Variants in PDZK1 observed in about 807,000 individuals in gnomAD.
The protein encoded by PDZK1 is PDZ domain containing 1.
In PDZK1, 23 loss-of-function variants were observed where a neutral mutation model predicts 38.1. The observed-to-expected ratio is 0.60, with a 90% CI of 0.43 to 0.85. The LOEUF (loss-of-function observed/expected upper bound fraction) is 0.85, where lower values mean the gene tolerates loss of function less well. PDZK1 is among the 40% of genes least tolerant of loss of function. The probability of loss-of-function intolerance (pLI) is 0.00; values close to 1 mark genes in which losing one functional copy is unlikely to be tolerated. For missense variants in PDZK1, 297 were observed against 504.3 expected, an observed-to-expected ratio of 0.59 and a Z score of 3.94; for synonymous variants, 98 against 186.2, an observed-to-expected ratio of 0.53 and a Z score of 3.86.
intron 7 of PDZK1, among the ~76,000 whole-genome samples, chr1:145,673,270 G>T (rs1653275909): frequency 6.6e-6 from 1 of 152,142 alleles, no homozygotes; most frequent in Admixed American, 6.6e-5. Context: ...GATGAAGGGG[G>T]ATAAATAGGT....
chr1:145,687,651 G>T (rs1176570443), intron 2 of PDZK1, among the ~76,000 whole-genome samples, 161 bp downstream of exon 2: 3 of 152,084 alleles, frequency 2.0e-5, no homozygotes, highest in Admixed American at 6.5e-5. Context: ...CCTCATAGGG[G>T]ACTTGATTGG....
intron 2 of PDZK1, 63 bp downstream of exon 2, chr1:145,687,749 T>A: frequency 7.2e-7 from 1 of 1,392,512 alleles, no homozygotes; most frequent in Non-Finnish European, 1.0e-6. Context: ...AAAATTATAA[T>A]CAGCAGAGAA....
At chr1:145,677,457 C>T (rs1291211624) in intron 6 of PDZK1, among the ~76,000 whole-genome samples, 1 of 149,148 alleles carries the variant, frequency 6.7e-6, no homozygotes, top group Non-Finnish European at 1.5e-5. Context: ...TTAGAGACTT[C>T]TATTCAAGTT....
chr1:145,683,845 CTT>C (rs781826650), intron 3 of PDZK1, among the ~76,000 whole-genome samples: 83 of 137,922 alleles, frequency 6.0e-4, no homozygotes, highest in African/African-American at 1.4e-3. Flanking sequence ...ACTTTACAGC[CTT>C]TTTTTTTTTT....
rs1652986193 is a variant in PDZK1, at chr1:145,671,163, G to A, written c.*273C>T. 2 of 1,078,042 alleles carry A rather than the reference G, an allele frequency of 1.9e-6. No individual in the cohort carries two copies. The highest frequency in any genetic ancestry group is 7.0e-5 in the Admixed American group (2 of 28,430). 66.8% of individuals were successfully genotyped at this position (1,078,042 alleles called of 1,614,324 possible). A position where few individuals can be genotyped will look rare whatever the true frequency, so the allele number is the denominator to read the frequency against. ...AGACATCATCATACAGAGAAATGTA[G>A]TTAAGTTAAGTTGAAGCTTGGAAAA... On this transcript the variant is annotated 3_prime_UTR_variant, in exon 9 of 9. Transcript: ENST00000417171.
chr1:145,679,213 G>A (rs1553699845), intron 5 of PDZK1, among the ~76,000 whole-genome samples: 2 of 148,970 alleles, frequency 1.3e-5, no homozygotes, highest in African/African-American at 5.0e-5. Flanking sequence ...TTTCCAGCTA[G>A]CTGCTGGGTA....
At chr1:145,690,449 T>C (rs1404084883) in intron 1 of PDZK1, among the ~76,000 whole-genome samples, 1 of 152,222 alleles carries the variant, frequency 6.6e-6, no homozygotes, top group Non-Finnish European at 1.5e-5. Context: ...TAATGATATT[T>C]GCTGTGAAGA....
intron 1 of PDZK1, among the ~76,000 whole-genome samples, chr1:145,703,179 C>G (rs587760378): frequency 6.6e-6 from 1 of 152,166 alleles, no homozygotes; most frequent in Non-Finnish European, 1.5e-5. Flanking sequence ...ATCATTTCAT[C>G]TTCTGAATTT....
At chr1:145,681,342 G>A (rs1243239505) in intron 4 of PDZK1, among the ~76,000 whole-genome samples, 3 of 147,060 alleles carry the variant, frequency 2.0e-5, no homozygotes, top group Non-Finnish European at 4.5e-5. Flanking sequence ...GAGTGCAGTG[G>A]CACTATCTCA....
chr1:145,682,510 A>G lies in PDZK1; in HGVS notation c.587T>C (p.Val196Ala), dbSNP rs587607271. The change falls in exon 4 of 9, where the codon GTG (valine) becomes GCG (alanine). Residue 196 changes from valine (V) to alanine (A), a missense_variant. By Grantham distance (64) the Val-to-Ala change is moderately conservative (BLOSUM62 0). Coordinates refer to ENST00000417171, the MANE Select transcript of PDZK1 (RefSeq NM_001201325.2). ...CCCTTTGGGGCATACCTTTTCAACCACTTCCTCATGGCTGGCATCCTCTAC... is the reference window on the plus strand; with the variant it reads ...CCCTTTGGGGCATACCTTTTCAACCGCTTCCTCATGGCTGGCATCCTCTAC... ...ENVEDASHEE[V>A]VEKVKKSGSR... The G allele has an allele frequency of 9.2e-5, 147 of 1,597,626 alleles. 1 individual carries two copies. The East Asian group carries it at 1.5e-3, about 17-fold the overall frequency.
At chr1:145,694,660 A>T (rs1200930824) in intron 1 of PDZK1, among the ~76,000 whole-genome samples, 1 of 152,038 alleles carries the variant, frequency 6.6e-6, no homozygotes, top group Non-Finnish European at 1.5e-5. Context: ...GCACTTTGGG[A>T]GGCCGAGGAG....
At chr1:145,686,352 A>G (rs1300166584) in intron 3 of PDZK1, 125 bp downstream of exon 3, 1 of 1,157,504 alleles carries the variant, frequency 8.6e-7, no homozygotes. Flanking sequence ...AGCTGTTGCA[A>G]GCTATCTATA....
At position 145,686,622 on chromosome 1, in the gene PDZK1, C is replaced by T. The variant is rs1416295151; in HGVS notation, c.315G>A (p.Leu105=). Residue 105 remains leucine, a synonymous_variant, in exon 3 of 9, where the codon TTG becomes TTA. Transcript: ENST00000417171. ...AACCTTGCTCCTTCTGACTTTGACC[C>T]AACTCTTTCAAGTCCACCCGTGTTT... ...AVKTRVDLKE[L]GQSQKEQGLS... is the part of the protein sequence containing the mutation. 6.2e-7 allele frequency: 1 copy of T among 1,603,400 alleles called. No individual in the cohort carries two copies. Among genetic ancestry groups the T allele is most frequent in the Non-Finnish European group, 8.5e-7 (1 of 1,174,272 alleles).
Position 145,686,481 on chromosome 1 carries a change from G to A in PDZK1, c.456C>T (p.Val152=), listed in dbSNP as rs1553701730. The change falls in exon 3 of 9, where the codon GTC becomes GTT. Residue 152 remains valine (V), a synonymous_variant. Transcript: ENST00000417171. ...TGCTCCCCAAAAAATTCTCACCTTGGACAGTTTTCAGAGAGAAGCCATAGC... is the reference window on the plus strand; with the variant it reads ...TGCTCCCCAAAAAATTCTCACCTTGAACAGTTTTCAGAGAGAAGCCATAGC... ...GGSYGFSLKT[V]QGKKGVYMTD... is the part of the protein sequence containing the mutation. 6.2e-7 allele frequency: 1 copy of A among 1,611,964 alleles called. No individual in the cohort carries two copies. Among genetic ancestry groups the A allele is most frequent in the South Asian group, 1.1e-5 (1 of 90,968 alleles).
rs1553697809 is a variant in PDZK1, at chr1:145,671,471, G to A, written c.1525C>T (p.His509Tyr). 3.2e-6 allele frequency: 5 copies of A among 1,573,868 alleles called. No homozygotes were observed. Among genetic ancestry groups the A allele is most frequent in the East Asian group, 4.5e-5 (2 of 44,544 alleles). ...AKERAHSTAS[H>Y]SSSNSEDTEM ...GTATCTTCAGAATTGGAAGAAGAATGTGAGGCTGTACTGTGGGCCTGTGTA... is the reference window on the plus strand; with the variant it reads ...GTATCTTCAGAATTGGAAGAAGAATATGAGGCTGTACTGTGGGCCTGTGTA... Residue 509 changes from histidine to tyrosine, a missense_variant, in exon 9 of 9, where the codon CAT becomes TAT. His to Tyr is a moderately conservative substitution (Grantham distance 83). Transcript: ENST00000417171.
intron 8 of PDZK1, chr1:145,671,750 G>C: frequency 2.5e-6 from 1 of 395,808 alleles, no homozygotes; most frequent in Non-Finnish European, 4.7e-6. Context: ...TTCTACACTT[G>C]ATTGTTTTCA....
chr1:145,677,910 T>TAAAAA (rs71077285), intron 6 of PDZK1, among the ~76,000 whole-genome samples: 67 of 68,602 alleles, frequency 9.8e-4, no homozygotes, highest in African/African-American at 1.5e-3. Flanking sequence ...GTGTTAAAAG[T>TAAAAA]AAAAAAAAAA....
At chr1:145,680,494 A>G (rs1654128927) in intron 5 of PDZK1, among the ~76,000 whole-genome samples, 1 of 151,858 alleles carries the variant, frequency 6.6e-6, no homozygotes, top group African/African-American at 2.4e-5. Flanking sequence ...GCGGTGTGCT[A>G]TACTGGCTCA....
At chr1:145,702,558 A>G (rs1656021790) in intron 1 of PDZK1, among the ~76,000 whole-genome samples, 1 of 152,022 alleles carries the variant, frequency 6.6e-6, no homozygotes. Context: ...CCCTGGTTTT[A>G]TTATACTACC....
Sources: gnomAD v4.1 joint callset for allele counts (sites outside exome capture counted in the v4.1 genomes callset) on GRCh38, gnomAD v4.1.1 for gene constraint, MANE v1.5 for transcripts, NCBI Gene and HGNC (gene_info 2026-07-23, HGNC 2026-07-21) for gene names.